RPTOR: variants seen among roughly 807,000 people sequenced by gnomAD.
The protein encoded by RPTOR is regulatory associated protein of MTOR complex 1.
In RPTOR, 21 loss-of-function variants were observed where a neutral mutation model predicts 169.9. The observed-to-expected ratio is 0.12, with a 90% CI of 0.09 to 0.18. The LOEUF (loss-of-function observed/expected upper bound fraction) is 0.18. RPTOR is among the 10% of genes least tolerant of loss of function. RPTOR has a pLI of 1.00. For missense variants in RPTOR, 1,133 were observed against 1,855.9 expected, an observed-to-expected ratio of 0.61 and a Z score of 7.16; for synonymous variants, 732 against 753.2, an observed-to-expected ratio of 0.97 and a Z score of 0.46.
intron 1 of RPTOR, among the ~76,000 whole-genome samples, chr17:80,608,375 G>A (rs1236028363): frequency 6.6e-6 from 1 of 152,162 alleles, no homozygotes; most frequent in East Asian, 1.9e-4. Flanking sequence ...CCCTATGAGT[G>A]CATGGAAAAC....
At chr17:80,842,778 G>C (rs941852565) in intron 10 of RPTOR, among the ~76,000 whole-genome samples, 5 of 152,200 alleles carry the variant, frequency 3.3e-5, no homozygotes, top group African/African-American at 1.2e-4. Context: ...CTAGCAGCTT[G>C]TGTGTTTCCC....
intron 10 of RPTOR, among the ~76,000 whole-genome samples, chr17:80,840,363 C>T (rs1346277881): frequency 6.7e-6 from 1 of 149,242 alleles, no homozygotes; most frequent in African/African-American, 2.5e-5. Flanking sequence ...CACGGCAGCT[C>T]ACTCTCACCA....
intron 9 of RPTOR, among the ~76,000 whole-genome samples, chr17:80,826,657 C>G (rs971633982): frequency 6.6e-6 from 1 of 152,276 alleles, no homozygotes; most frequent in Non-Finnish European, 1.5e-5. Flanking sequence ...CCGGGTGTCA[C>G]TGTGTCCCCA....
intron 3 of RPTOR, among the ~76,000 whole-genome samples, chr17:80,675,122 TTTAAG>T (rs2065852916): frequency 1.3e-5 from 2 of 152,226 alleles, no homozygotes; most frequent in Non-Finnish European, 2.9e-5. Flanking sequence ...CCATTTTCAT[TTTAAG>T]TTGTTTTTTT....
chr17:80,773,880 G>T, intron 6 of RPTOR: 1 of 985,386 alleles, frequency 1.0e-6, no homozygotes, highest in Non-Finnish European at 1.2e-6. Flanking sequence ...TCCCTCAGAC[G>T]TCGACCGCTT....
At chr17:80,843,227 C>T (rs35495979) in intron 10 of RPTOR, among the ~76,000 whole-genome samples, 21,800 of 152,052 alleles carry the variant, frequency 0.14, 1,923 homozygotes, top group Non-Finnish European at 0.2. Flanking sequence ...CCTCCCTCAA[C>T]GTGGTTGTAA....
In RPTOR at chr17:80,862,074, A is replaced by G. The variant is rs1161064367; in HGVS notation, c.1509+4174A>G. Among the ~76,000 whole-genome samples the G allele has an allele frequency of 3.3e-5, 5 of 152,122 alleles. No individual in the cohort carries two copies. In the East Asian group the frequency reaches 7.7e-4, roughly 24 times the overall value. ...GTTTTACACCCTGCTCCAGGCAGATACCAGGGCCTCGGGTTTATTATTCAT... is the reference window on the plus strand; with the variant it reads ...GTTTTACACCCTGCTCCAGGCAGATGCCAGGGCCTCGGGTTTATTATTCAT... On this transcript the variant is annotated intron_variant, in intron 13 of 33. Coordinates refer to ENST00000306801, the MANE Select transcript of RPTOR (RefSeq NM_020761.3).
At chr17:80,660,955 C>T (rs1192806804) in intron 3 of RPTOR, among the ~76,000 whole-genome samples, 1 of 152,210 alleles carries the variant, frequency 6.6e-6, no homozygotes, top group Non-Finnish European at 1.5e-5. Context: ...CTCCAACCCC[C>T]ACCCCCAGCC....
intron 1 of RPTOR, among the ~76,000 whole-genome samples, chr17:80,581,068 G>A (rs1398776696): frequency 6.6e-6 from 1 of 152,150 alleles, no homozygotes; most frequent in East Asian, 1.9e-4. Flanking sequence ...CATCATTTTC[G>A]TCAGTGTGTT....
intron 13 of RPTOR, among the ~76,000 whole-genome samples, chr17:80,879,087 G>A (rs990905066): frequency 1.3e-5 from 2 of 152,090 alleles, no homozygotes; most frequent in African/African-American, 2.4e-5. Flanking sequence ...GGCTGTGCGC[G>A]CCCCGGAGCA....
At chr17:80,927,052 C>G (rs553908101) in intron 24 of RPTOR, among the ~76,000 whole-genome samples, 2 of 152,320 alleles carry the variant, frequency 1.3e-5, no homozygotes, top group East Asian at 3.9e-4. Flanking sequence ...AGTGCCCCTT[C>G]CCATCACTAG....
chr17:80,720,773 G>GGGATACAC (rs2066278847), intron 4 of RPTOR, among the ~76,000 whole-genome samples: 1 of 151,724 alleles, frequency 6.6e-6, no homozygotes, highest in African/African-American at 2.4e-5. Context: ...GGCCCTCCCT[G>GGGATACAC]AGCCTCTGCT....
chr17:80,910,855 T>C (rs1393653548), intron 21 of RPTOR, among the ~76,000 whole-genome samples: 8 of 151,894 alleles, frequency 5.3e-5, no homozygotes, highest in South Asian at 2.1e-4. Context: ...TTTTTTTTTT[T>C]TTCTCTTGCT....
intron 1 of RPTOR, among the ~76,000 whole-genome samples, chr17:80,608,195 G>A (rs557371317): frequency 1.2e-4 from 18 of 152,186 alleles, no homozygotes; most frequent in East Asian, 1.9e-4. Flanking sequence ...GCCCGACGGC[G>A]CAGCACAGTG....
At chr17:80,813,588 G>C (rs74811084) in intron 7 of RPTOR, among the ~76,000 whole-genome samples, 4,794 of 152,234 alleles carry the variant, frequency 0.031, 275 homozygotes, top group African/African-American at 0.11. Flanking sequence ...GACATATATA[G>C]CTTCCCTCTT....
intron 18 of RPTOR, among the ~76,000 whole-genome samples, chr17:80,892,234 C>T (rs901650405): frequency 2.6e-5 from 4 of 152,142 alleles, no homozygotes; most frequent in African/African-American, 9.7e-5. Flanking sequence ...GTCGTTTTGA[C>T]TGGAGAGTAC....
intron 3 of RPTOR, among the ~76,000 whole-genome samples, chr17:80,657,148 G>T (rs1203482598): frequency 6.6e-6 from 1 of 152,156 alleles, no homozygotes; most frequent in Non-Finnish European, 1.5e-5. Flanking sequence ...TAAACTGAGG[G>T]AGAAAAAAGA....
At chr17:80,569,635 A>C (rs2143301219) in intron 1 of RPTOR, among the ~76,000 whole-genome samples, 1 of 152,346 alleles carries the variant, frequency 6.6e-6, no homozygotes, top group South Asian at 2.1e-4. Context: ...TCTGGAACAC[A>C]GTCCCATTGT....
chr17:80,577,024 G>A (rs1177806067), intron 1 of RPTOR, among the ~76,000 whole-genome samples: 1 of 147,264 alleles, frequency 6.8e-6, no homozygotes, highest in Non-Finnish European at 1.5e-5. Flanking sequence ...TCTTTATTCA[G>A]TCATAATTCT....
Sources: gnomAD v4.1 joint callset for allele counts (sites outside exome capture counted in the v4.1 genomes callset) on GRCh38, gnomAD v4.1.1 for gene constraint, MANE v1.5 for transcripts, NCBI Gene and HGNC (gene_info 2026-07-23, HGNC 2026-07-21) for gene names.